The following LEPR variants were observed in gnomAD, a reference collection of about 807,000 sequenced individuals.
LEPR encodes OB receptor.
A neutral mutation model predicts 114.7 loss-of-function variants in LEPR; 56 were observed. That is an observed-to-expected ratio of 0.49 (90% CI 0.39 to 0.61). LEPR has a LOEUF of 0.61. Ranked by LOEUF, LEPR falls within the 20% of genes least tolerant of loss-of-function variation. The pLI is 0.00. For missense variants in LEPR, 1,202 were observed against 1,352.9 expected (o/e 0.89, Z 1.75); for synonymous variants, 443 against 461.4 (o/e 0.96, Z 0.51).
intron 2 of LEPR, among the ~76,000 whole-genome samples, chr1:65,550,785 C>G (rs1322480977): frequency 6.6e-6 from 1 of 152,186 alleles, no homozygotes; most frequent in Non-Finnish European, 1.5e-5. Flanking sequence ...GAGGCAATGC[C>G]TTGCCCTGCT....
In LEPR at chr1:65,601,909, C is replaced by T; in HGVS notation, c.1352C>T (p.Thr451Ile). ...ACTAAAATGACTTGCAGATGGTCAA[C>T]CAGTACAATCCAGTCACTTGCGGAA... The part of the protein sequence containing the change: ...YLTKMTCRWS[T>I]STIQSLAEST... Residue 451 changes from threonine to isoleucine, a missense_variant, in exon 10 of 20, where the codon ACC becomes ATC. By Grantham distance (89) the Thr-to-Ile change is moderately conservative. Transcript: ENST00000349533. 6.2e-7 allele frequency: 1 copy of T among 1,613,606 alleles called. No individual in the cohort carries two copies. Among genetic ancestry groups the T allele is most frequent in the African/African-American group, 1.3e-5 (1 of 74,976 alleles).
At chr1:65,482,962 T>A (rs1463522012) in intron 2 of LEPR, among the ~76,000 whole-genome samples, 1 of 145,416 alleles carries the variant, frequency 6.9e-6, no homozygotes, top group African/African-American at 2.6e-5. Context: ...CACTCCAGCC[T>A]GGGTGACAGA....
chr1:65,489,469 G>T (rs948840793), intron 2 of LEPR, among the ~76,000 whole-genome samples: 6 of 152,032 alleles, frequency 3.9e-5, no homozygotes, highest in Non-Finnish European at 8.8e-5. Flanking sequence ...TGGATTATTT[G>T]ATTTTCCTCC....
intron 2 of LEPR, among the ~76,000 whole-genome samples, chr1:65,533,549 C>T (rs1401308288): frequency 2.6e-5 from 4 of 151,938 alleles, no homozygotes; most frequent in South Asian, 2.1e-4. Flanking sequence ...AGTGAATGTT[C>T]GATTAAATGT....
chr1:65,593,993 G>A (rs559575684), intron 6 of LEPR, among the ~76,000 whole-genome samples: 1 of 151,990 alleles, frequency 6.6e-6, no homozygotes, highest in Non-Finnish European at 1.5e-5. Flanking sequence ...GAACTTGAAA[G>A]CTTTCTTAAT....
chr1:65,435,000 C>T lies in LEPR; in HGVS notation c.-21+9622C>T, dbSNP rs374805830. ...CCGACTGCCATTCCCATGACTGCTG[C>T]ACCTGCGTTTTTAGAGAATGCCTCA... On this transcript the variant is annotated intron_variant, in intron 2 of 19. Transcript: ENST00000349533. 3 of 985,452 alleles carry T rather than the reference C, an allele frequency of 3.0e-6. No individual in the cohort carries two copies. In the African/African-American group the frequency reaches 5.2e-5, roughly 17 times the overall value. 61.0% of individuals were successfully genotyped at this position (985,452 alleles called of 1,614,324 possible). A position where few individuals can be genotyped will look rare whatever the true frequency, so the allele number is the denominator to read the frequency against.
intron 11 of LEPR, among the ~76,000 whole-genome samples, chr1:65,605,925 G>T (rs879414105): frequency 6.6e-6 from 1 of 151,882 alleles, no homozygotes; most frequent in African/African-American, 2.4e-5. Context: ...CTAAATGTTT[G>T]TTTTCAAGAT....
chr1:65,550,527 C>A (rs572936804), intron 2 of LEPR, among the ~76,000 whole-genome samples: 111 of 152,288 alleles, frequency 7.3e-4, no homozygotes, highest in African/African-American at 2.5e-3. Context: ...ATGGCGGGTG[C>A]CCCTGCCCCA....
intron 5 of LEPR, among the ~76,000 whole-genome samples, chr1:65,591,665 A>T (rs375568575): frequency 1.3e-4 from 20 of 151,972 alleles, no homozygotes; most frequent in African/African-American, 4.3e-4. Context: ...GACTAATCTT[A>T]TAATGGTATA....
chr1:65,421,417 A>G lies in LEPR; in HGVS notation c.-97+677A>G, dbSNP rs924568734. The G allele has an allele frequency of 1.6e-5, 24 of 1,536,030 alleles. No individual in the cohort carries two copies. In the African/African-American group the frequency reaches 1.8e-4, roughly 11 times the overall value. ...CCCTTATCTGTATGGCTTCAGAGCA[A>G]TGCGAGACGGAAAAGGTTTTTTGCA... On this transcript the variant is annotated intron_variant, in intron 1 of 19. Coordinates refer to ENST00000349533, the MANE Select transcript of LEPR (RefSeq NM_002303.6).
chr1:65,452,608 C>T (rs1646802704), intron 2 of LEPR, among the ~76,000 whole-genome samples: 1 of 151,750 alleles, frequency 6.6e-6, no homozygotes, highest in Admixed American at 6.6e-5. Context: ...TTGAACCAGC[C>T]TTGCATCCCA....
intron 2 of LEPR, among the ~76,000 whole-genome samples, chr1:65,464,890 T>C (rs2100389433): frequency 6.6e-6 from 1 of 152,350 alleles, no homozygotes; most frequent in African/African-American, 2.4e-5. Context: ...TTATCATTTT[T>C]TATTGCGTCA....
intron 11 of LEPR, among the ~76,000 whole-genome samples, chr1:65,608,386 ACG>A (rs1275605345): frequency 6.6e-6 from 1 of 152,010 alleles, no homozygotes; most frequent in East Asian, 1.9e-4. Flanking sequence ...GCCCGCCACC[ACG>A]CGTGGCTAAT....
intron 1 of LEPR, 135 bp downstream of exon 1, chr1:65,420,875 C>A: frequency 1.8e-6 from 2 of 1,114,318 alleles, no homozygotes; most frequent in Non-Finnish European, 2.6e-6. Context: ...GTTCGGGAGG[C>A]GATCGACCGC....
At chr1:65,604,290 C>A (rs959469596) in intron 10 of LEPR, among the ~76,000 whole-genome samples, 1 of 151,892 alleles carries the variant, frequency 6.6e-6, no homozygotes, top group South Asian at 2.1e-4. Context: ...ATAAGAATGT[C>A]TTTTTTTAGA....
At chr1:65,564,474 C>T (rs1170571565) in intron 2 of LEPR, among the ~76,000 whole-genome samples, 2 of 143,990 alleles carry the variant, frequency 1.4e-5, no homozygotes, top group African/African-American at 2.6e-5. Flanking sequence ...GTGAGATGAA[C>T]CCGGTACCTC....
At chr1:65,468,138 C>T (rs1382795783) in intron 2 of LEPR, among the ~76,000 whole-genome samples, 3 of 152,134 alleles carry the variant, frequency 2.0e-5, no homozygotes, top group Non-Finnish European at 4.4e-5. Context: ...GCTGGAGCTG[C>T]GGACTGGAGC....
chr1:65,424,651 C>T (rs1646322502), intron 1 of LEPR, among the ~76,000 whole-genome samples: 1 of 152,206 alleles, frequency 6.6e-6, no homozygotes, highest in Non-Finnish European at 1.5e-5. Context: ...TTAGTTTCCA[C>T]AGTTCTGAAG....
chr1:65,527,929 A>T (rs1026184749), intron 2 of LEPR, among the ~76,000 whole-genome samples: 3 of 152,138 alleles, frequency 2.0e-5, no homozygotes, highest in African/African-American at 7.2e-5. Context: ...CTGAAACTGG[A>T]TGGATCCAAC....
Sources: gnomAD v4.1 joint callset for allele counts (sites outside exome capture counted in the v4.1 genomes callset) on GRCh38, gnomAD v4.1.1 for gene constraint, MANE v1.5 for transcripts, NCBI Gene and HGNC (gene_info 2026-07-23, HGNC 2026-07-21) for gene names.